The following TYW1 variants were observed in gnomAD, a reference collection of about 807,000 sequenced individuals.
TYW1 encodes tRNA-yW synthesizing protein 1 homolog.
In TYW1, 46 loss-of-function variants were observed where a neutral mutation model predicts 96.2. The ratio of observed to expected loss-of-function variants is 0.48; its 90% confidence interval spans 0.38 to 0.61. TYW1 has a LOEUF of 0.61. Among genes scored for constraint, TYW1 ranks in the 20% least tolerant of loss-of-function variants. The pLI is 0.00. For synonymous variants in TYW1, 274 were observed against 323.0 expected, an observed-to-expected ratio of 0.85 and a Z score of 1.63; for missense variants, 684 against 909.6, an observed-to-expected ratio of 0.75 and a Z score of 3.19.
chr7:67,129,734 T>G (rs2687058), intron 13 of TYW1, among the ~76,000 whole-genome samples: 1 of 152,238 alleles, frequency 6.6e-6, no homozygotes, highest in Non-Finnish European at 1.5e-5. Context: ...ATAGTATAAG[T>G]CTCACAGCTT....
At chr7:67,211,057 C>G (rs543906460) in intron 15 of TYW1, among the ~76,000 whole-genome samples, 6 of 151,288 alleles carry the variant, frequency 4.0e-5, no homozygotes, top group Admixed American at 3.3e-4. Flanking sequence ...CCAGTACTAC[C>G]TTATTTCTTT....
intron 15 of TYW1, among the ~76,000 whole-genome samples, chr7:67,216,555 T>A (rs1801202220): frequency 6.8e-6 from 1 of 147,172 alleles, no homozygotes; most frequent in Admixed American, 6.8e-5. Context: ...CTTATTTCTC[T>A]TGTTTGCTAT....
chr7:67,015,526 A>G (rs1486981051), intron 5 of TYW1, among the ~76,000 whole-genome samples: 1 of 151,628 alleles, frequency 6.6e-6, no homozygotes, highest in Non-Finnish European at 1.5e-5. Flanking sequence ...TAATCTTTCA[A>G]TTTTTTTAGA....
intron 13 of TYW1, among the ~76,000 whole-genome samples, chr7:67,128,690 GTT>G (rs59475781): frequency 2.9e-5 from 4 of 137,032 alleles, no homozygotes; most frequent in Admixed American, 7.6e-5. Context: ...AGGTCTCAGT[GTT>G]TTTTTTTTTT....
At chr7:67,130,889 G>A (rs1415949779) in intron 13 of TYW1, among the ~76,000 whole-genome samples, 1 of 152,100 alleles carries the variant, frequency 6.6e-6, no homozygotes, top group Non-Finnish European at 1.5e-5. Flanking sequence ...AGCAGGGGTT[G>A]GTGTGACTGC....
In TYW1 at chr7:67,089,437, A is replaced by C. The variant is rs1228975316; in HGVS notation, c.1384+5898A>C. 3.2e-6 allele frequency: 4 copies of C among 1,236,112 alleles called. No homozygotes were observed. The Admixed American group carries it at 5.1e-5, about 16-fold the overall frequency. The allele number at this position is 1,236,112 out of a possible 1,614,324, so 76.6% of individuals were successfully genotyped here. The stretch of plus-strand genomic sequence containing the variant: ...CGAAGCGCTGGGTGCGGAAGACTCC[A>C]CTGCAGGTGGAAGGCGTGGCCTTGA... On this transcript the variant is annotated intron_variant, in intron 11 of 15. Transcript: ENST00000359626.
chr7:67,093,763 A>T (rs1000460134), intron 11 of TYW1, among the ~76,000 whole-genome samples: 1 of 152,130 alleles, frequency 6.6e-6, no homozygotes, highest in African/African-American at 2.4e-5. Flanking sequence ...GTCATAAAAG[A>T]AGACATCACC....
intron 10 of TYW1, among the ~76,000 whole-genome samples, chr7:67,072,498 T>C (rs1796059609): frequency 6.6e-6 from 1 of 152,122 alleles, no homozygotes; most frequent in South Asian, 2.1e-4. Context: ...CTGCCCTCCT[T>C]GGCCTCCCAA....
intron 10 of TYW1, among the ~76,000 whole-genome samples, chr7:67,073,344 T>C (rs1188827230): frequency 6.6e-6 from 1 of 152,140 alleles, no homozygotes; most frequent in Non-Finnish European, 1.5e-5. Flanking sequence ...CCCTAATGCA[T>C]AGGACAGTGC....
chr7:67,023,905 C>T (rs1308279515), intron 6 of TYW1, among the ~76,000 whole-genome samples: 6 of 152,190 alleles, frequency 3.9e-5, no homozygotes, highest in Non-Finnish European at 7.3e-5. Context: ...CCTTTAATTT[C>T]CTCATCTATG....
chr7:67,207,717 CT>C (rs749961615), intron 15 of TYW1, among the ~76,000 whole-genome samples: 2,536 of 103,318 alleles, frequency 0.025, 32 homozygotes, highest in East Asian at 0.11. Context: ...TTTTGTTTGC[CT>C]TTTTTTTTTT....
intron 4 of TYW1, among the ~76,000 whole-genome samples, chr7:67,012,801 A>C (rs1037499233): frequency 5.9e-5 from 9 of 152,224 alleles, no homozygotes; most frequent in African/African-American, 1.9e-4. Flanking sequence ...AGTTACCTAC[A>C]GGCTATGTGT....
At chr7:67,155,094 G>T (rs1388938892) in intron 13 of TYW1, among the ~76,000 whole-genome samples, 20 of 152,082 alleles carry the variant, frequency 1.3e-4, no homozygotes, top group African/African-American at 4.3e-4. Context: ...GTTTCCCCAA[G>T]ATCATTATTT....
At chr7:67,100,864 A>AG (rs1413001196) in intron 12 of TYW1, among the ~76,000 whole-genome samples, 1 of 151,672 alleles carries the variant, frequency 6.6e-6, no homozygotes, top group Non-Finnish European at 1.5e-5. Context: ...AAAAAAAAAA[A>AG]AAAAAGAGTT....
At chr7:67,174,974 T>C in intron 13 of TYW1, among the ~76,000 whole-genome samples, 1 of 151,844 alleles carries the variant, frequency 6.6e-6, no homozygotes, top group African/African-American at 2.4e-5. Context: ...ATGATCTACA[T>C]GGACTTATAA....
chr7:67,063,750 C>T (rs1025148534), intron 9 of TYW1, among the ~76,000 whole-genome samples: 9 of 152,034 alleles, frequency 5.9e-5, no homozygotes, highest in African/African-American at 2.2e-4. Context: ...ACTACAGGTG[C>T]CCGCCACCAA....
intron 13 of TYW1, among the ~76,000 whole-genome samples, chr7:67,149,882 G>A (rs183342703): frequency 3.8e-4 from 58 of 152,066 alleles, no homozygotes; most frequent in Admixed American, 3.8e-3. Flanking sequence ...AGTGGCTGAA[G>A]GAACACTTCA....
At chr7:67,192,820 A>C (rs186767174) in intron 14 of TYW1, among the ~76,000 whole-genome samples, 8 of 152,326 alleles carry the variant, frequency 5.3e-5, no homozygotes, top group African/African-American at 1.9e-4. Flanking sequence ...AGTCCAGCTC[A>C]AATTTGTCTT....
chr7:67,211,191 T>TGTG (rs1353587546), intron 15 of TYW1, among the ~76,000 whole-genome samples: 18 of 141,582 alleles, frequency 1.3e-4, no homozygotes, highest in Admixed American at 2.8e-4. Context: ...TGTGTGTGTG[T>TGTG]TTTGAGCACT....
Sources: gnomAD v4.1 joint callset for allele counts (sites outside exome capture counted in the v4.1 genomes callset) on GRCh38, gnomAD v4.1.1 for gene constraint, MANE v1.5 for transcripts, NCBI Gene and HGNC (gene_info 2026-07-23, HGNC 2026-07-21) for gene names.